The following FIZ1 variants were observed in gnomAD, a reference collection of about 807,000 sequenced individuals.
The protein encoded by FIZ1 is flt3-interacting zinc finger protein 1.
In FIZ1, 2 loss-of-function variants were observed where a neutral mutation model predicts 5.3. That is an observed-to-expected ratio of 0.37 (90% CI 0.15 to 1.18). The LOEUF is 1.18. Among genes scored for constraint, FIZ1 ranks in the 50% most tolerant of loss-of-function variants. FIZ1 has a pLI of 0.37. For missense variants in FIZ1, 631 were observed against 749.7 expected (o/e 0.84, Z 1.85); for synonymous variants, 407 against 364.2 (o/e 1.12, Z -1.34).
At chr19:55,598,838 A>G (rs1324413460) in intron 1 of FIZ1, 7 of 152,206 alleles carry the variant, frequency 4.6e-5, no homozygotes, top group Non-Finnish European at 1.5e-5. Flanking sequence ...CATTCATTAT[A>G]AAGACCTGAT....
rs1378425253 is a variant in FIZ1 at position 55,599,456 on chromosome 19, T to C, written c.-37+18A>G. 6.6e-6 allele frequency: 1 copy of C among 152,234 alleles called. No homozygotes were observed. Among genetic ancestry groups the C allele is most frequent in the Admixed American group, 6.5e-5 (1 of 15,280 alleles). The allele number at this position is 152,234 out of a possible 1,614,324, so 9.4% of individuals were successfully genotyped here. A position where few individuals can be genotyped will look rare whatever the true frequency, so the allele number is the denominator to read the frequency against. On this transcript the variant is annotated intron_variant, in intron 1 of 2. Transcript: ENST00000221665. ...GGAGGCCGGGGAAGTCCGTCGGCTTTCCTCTTTAATTACTTACACCTCCCT... is the reference window on the plus strand; with the variant it reads ...GGAGGCCGGGGAAGTCCGTCGGCTTCCCTCTTTAATTACTTACACCTCCCT...
intron 2 of FIZ1, 117 bp downstream of exon 2, chr19:55,597,455 G>A (rs1980380844): frequency 7.0e-7 from 1 of 1,438,290 alleles, no homozygotes; most frequent in Admixed American, 2.8e-5. Context: ...TCTAATGGGA[G>A]GAGGCGGGCG....
Position 55,597,867 on chromosome 19 carries a change from G to C in FIZ1, c.-2C>G. On this transcript the variant is annotated 5_prime_UTR_variant, in exon 2 of 3. Transcript: ENST00000221665. ...GGTTGGGGCGGGGACGTCATCCATG[G>C]TGGCGGGGAATACAGTGGTATGTGG... 1 of 1,579,176 alleles carries C rather than the reference G, an allele frequency of 6.3e-7. No individual in the cohort carries two copies. The highest frequency in any genetic ancestry group is 8.6e-7 in the Non-Finnish European group (1 of 1,162,798).
In FIZ1 at chr19:55,592,774, C is replaced by T. The variant is rs370245327; in HGVS notation, c.1167G>A (p.Ala389=). 5 of 1,597,682 alleles carry T rather than the reference C, an allele frequency of 3.1e-6. No individual in the cohort carries two copies. In the African/African-American group the frequency reaches 5.4e-5, roughly 17 times the overall value. The change falls in exon 3 of 3, where the codon GCG becomes GCA. Residue 389 remains alanine (A), a synonymous_variant. Transcript: ENST00000221665. This position sits in a 1 kb window ranked among gnomAD's most constrained non-coding sequence, Gnocchi z 6.9. Reference sequence around the variant, plus strand: ...GTTCCCTTTCCCGGGCGGCGGTCGCCGCCTCCTCCCCGCCGCCCTCACCGT... The same window carrying T: ...GTTCCCTTTCCCGGGCGGCGGTCGCTGCCTCCTCCCCGCCGCCCTCACCGT... The part of the protein sequence containing the change: ...VSHGEGGGEE[A]ATAAREREPA...
chr19:55,599,137 C>T (rs1465290180), intron 1 of FIZ1: 1 of 152,640 alleles, frequency 6.6e-6, no homozygotes, highest in Non-Finnish European at 1.5e-5. Context: ...ACGCCCCTCC[C>T]ACTTCCACTC....
At position 55,592,686 on chromosome 19, in the gene FIZ1, A is replaced by G. The variant is rs773491664; in HGVS notation, c.1255T>C (p.Cys419Arg). The G allele has an allele frequency of 1.2e-6, 2 of 1,613,170 alleles. No homozygotes were observed. Among genetic ancestry groups the G allele is most frequent in the Non-Finnish European group, 1.7e-6 (2 of 1,179,860 alleles). Residue 419 changes from cysteine to arginine, a missense_variant, in exon 3 of 3, where the codon TGC becomes CGC. Physicochemically the swap from Cys to Arg is radical, Grantham distance 180. This residue lies in a region of FIZ1 where 463 missense variants were observed against 455.1 expected (regional missense o/e 1.02). Transcript: ENST00000221665. This position sits in a 1 kb window ranked among gnomAD's most constrained non-coding sequence, Gnocchi z 6.9. The part of the protein sequence containing the change: ...RGKKIFGCSE[C>R]EKLFRSPRDL... ...CGCGGTGAGCGGAACAGCTTCTCGCACTCGGAGCAGCCGAAGATCTTCTTG... is the reference window on the plus strand; with the variant it reads ...CGCGGTGAGCGGAACAGCTTCTCGCGCTCGGAGCAGCCGAAGATCTTCTTG...
Position 55,592,540 on chromosome 19 carries a change from C to G in FIZ1, c.1401G>C (p.Glu467Asp). 1 of 1,608,910 alleles carries G rather than the reference C, an allele frequency of 6.2e-7. No homozygotes were observed. The highest frequency in any genetic ancestry group is 8.5e-7 in the Non-Finnish European group (1 of 1,177,906). ...CGCAGATGTGGCAAGGGAAGGGCCG[C>G]TCGGTGCCGTGCAGCAGCCGGTGGC... ...LKRHRLLHGTERPFPCHICGK... is the reference protein window; with the variant it reads ...LKRHRLLHGTDRPFPCHICGK... Residue 467 changes from glutamate to aspartate, a missense_variant, in exon 3 of 3, where the codon GAG (glutamate) becomes GAC (aspartate). By Grantham distance (45) the Glu-to-Asp change is conservative. Transcript: ENST00000221665. The surrounding 1 kb of genome is among the most constrained non-coding windows in gnomAD (Gnocchi z 6.9).
chr19:55,599,059 GCCCCTTTATCAAAC>G (rs985406056), intron 1 of FIZ1: 1 of 152,054 alleles, frequency 6.6e-6, no homozygotes, highest in African/African-American at 2.4e-5. Flanking sequence ...TCTGAGCCAC[GCCCCTTTATCAAAC>G]CCCACCTCTT....
intron 2 of FIZ1, among the ~76,000 whole-genome samples, chr19:55,594,576 A>G (rs1980227532): frequency 6.6e-6 from 1 of 150,818 alleles, no homozygotes; most frequent in Non-Finnish European, 1.5e-5. Context: ...GGGCGCCTGT[A>G]GTCCCAGCTA....
Position 55,593,340 on chromosome 19 carries a change from C to G in FIZ1, c.601G>C (p.Ala201Pro). The G allele has an allele frequency of 7.6e-7, 1 of 1,318,500 alleles. No homozygotes were observed. The highest frequency in any genetic ancestry group is 9.6e-7 in the Non-Finnish European group (1 of 1,038,896). 81.7% of individuals were successfully genotyped at this position (1,318,500 alleles called of 1,614,324 possible). ...AAGCGCCGCGCGCAGGCGCCGCACGCAAATGGGGGCAAGGAGGCCGCGGCC... is the reference window on the plus strand; with the variant it reads ...AAGCGCCGCGCGCAGGCGCCGCACGGAAATGGGGGCAAGGAGGCCGCGGCC... Reference protein sequence around the residue: ...AAAAASLPPFACGACARRFDH... With the variant: ...AAAAASLPPFPCGACARRFDH... Residue 201 changes from alanine (A) to proline (P), a missense_variant, in exon 3 of 3, where the codon GCG becomes CCG. Physicochemically the swap from Ala to Pro is conservative, Grantham distance 27. Coordinates refer to ENST00000221665, the MANE Select transcript of FIZ1 (RefSeq NM_032836.3). This position sits in a 1 kb window ranked among gnomAD's most constrained non-coding sequence, Gnocchi z 6.3.
In FIZ1 at chr19:55,597,722, G is replaced by C. The variant is rs1336781427; in HGVS notation, c.144C>G (p.Leu48=). ...CGCAGCGCGGACATGCGTGGGGCTTGAGCGCTGTGTGCCGGGCAAAGTGGC... is the reference window on the plus strand; with the variant it reads ...CGCAGCGCGGACATGCGTGGGGCTTCAGCGCTGTGTGCCGGGCAAAGTGGC... ...LRRHFARHTA[L]KPHACPRCGK... Residue 48 remains leucine, a synonymous_variant, in exon 2 of 3, where the codon CTC becomes CTG. Coordinates refer to ENST00000221665, the MANE Select transcript of FIZ1 (RefSeq NM_032836.3). The C allele has an allele frequency of 6.2e-7, 1 of 1,614,052 alleles. No individual in the cohort carries two copies. The highest frequency in any genetic ancestry group is 2.2e-5 in the East Asian group (1 of 44,880).
At position 55,592,390 on chromosome 19, in the gene FIZ1, C is replaced by A. The variant is rs532654748; in HGVS notation, c.*60G>T. On this transcript the variant is annotated 3_prime_UTR_variant, in exon 3 of 3. Coordinates refer to ENST00000221665, the MANE Select transcript of FIZ1 (RefSeq NM_032836.3). The surrounding 1 kb of genome is among the most constrained non-coding windows in gnomAD (Gnocchi z 6.9). ...GGGCCTCACGCGCAGTCCCGAGGTC[C>A]CCTGGTCCAGGCCGAGTCCAGGAGG... is the stretch of plus-strand genomic sequence containing the variant. 2 of 1,456,688 alleles carry A rather than the reference C, an allele frequency of 1.4e-6. No homozygotes were observed. The highest frequency in any genetic ancestry group is 2.8e-5 in the African/African-American group (2 of 70,730). The allele number at this position is 1,456,688 out of a possible 1,614,324, so 90.2% of individuals were successfully genotyped here.
rs766721675 is a variant in FIZ1 at position 55,593,190 on chromosome 19, C to A, written c.751G>T (p.Asp251Tyr). 1.6e-4 allele frequency: 187 copies of A among 1,190,854 alleles called. No individual in the cohort carries two copies. Among genetic ancestry groups the A allele is most frequent in the Non-Finnish European group, 1.8e-4 (171 of 954,980 alleles). The allele number at this position is 1,190,854 out of a possible 1,614,324, so 73.8% of individuals were successfully genotyped here. ...ALLERHKLTH[D>Y]LQGPGAPPAQ... ...GGGGGCGCGCCCGGGCCCTGCAGGTCGTGCGTCAGCTTGTGCCGCTCCAGC... is the reference window on the plus strand; with the variant it reads ...GGGGGCGCGCCCGGGCCCTGCAGGTAGTGCGTCAGCTTGTGCCGCTCCAGC... Residue 251 changes from aspartate (D) to tyrosine (Y), a missense_variant, in exon 3 of 3, where the codon GAC becomes TAC. Physicochemically the swap from Asp to Tyr is radical, Grantham distance 160. This residue lies in a region of FIZ1 where 463 missense variants were observed against 455.1 expected (regional missense o/e 1.02). Transcript: ENST00000221665. The surrounding 1 kb of genome is among the most constrained non-coding windows in gnomAD (Gnocchi z 6.3).
rs1314356799 is a variant in FIZ1 at position 55,593,089 on chromosome 19, G to T, written c.852C>A (p.Asp284Glu). ...GCCTGCGGTCCGAAGCCAGAGGAGCGTCGCCCGCCTCCGCAGCGGTGCCTT... is the reference window on the plus strand; with the variant it reads ...GCCTGCGGTCCGAAGCCAGAGGAGCTTCGCCCGCCTCCGCAGCGGTGCCTT... ...AGEGTAAEAGDAPLASDRRLL... is the reference protein window; with the variant it reads ...AGEGTAAEAGEAPLASDRRLL... Residue 284 changes from aspartate (D) to glutamate (E), a missense_variant, in exon 3 of 3, where the codon GAC becomes GAA. Physicochemically the swap from Asp to Glu is conservative, Grantham distance 45 (BLOSUM62 2). Coordinates refer to ENST00000221665, the MANE Select transcript of FIZ1 (RefSeq NM_032836.3). This position sits in a 1 kb window ranked among gnomAD's most constrained non-coding sequence, Gnocchi z 6.3. 3 of 1,333,382 alleles carry T rather than the reference G, an allele frequency of 2.2e-6. No homozygotes were observed. Among genetic ancestry groups the T allele is most frequent in the African/African-American group, 1.6e-5 (1 of 63,394 alleles). The allele number at this position is 1,333,382 out of a possible 1,614,324, so 82.6% of individuals were successfully genotyped here.
chr19:55,594,857 C>G (rs919073852), intron 2 of FIZ1, among the ~76,000 whole-genome samples: 1 of 152,074 alleles, frequency 6.6e-6, no homozygotes, highest in Non-Finnish European at 1.5e-5. Flanking sequence ...GAATACAGGC[C>G]TTAGGTGTGT....
At chr19:55,594,712 A>G (rs1455184887) in intron 2 of FIZ1, among the ~76,000 whole-genome samples, 1 of 151,468 alleles carries the variant, frequency 6.6e-6, no homozygotes, top group African/African-American at 2.4e-5. Flanking sequence ...AAAAAAAAAA[A>G]AAAAAAGAAA....
chr19:55,593,697 G>A lies in FIZ1; in HGVS notation c.295-51C>T, dbSNP rs779635479. 5.1e-4 allele frequency: 757 copies of A among 1,498,714 alleles called. 9 individuals are homozygous for A. Among genetic ancestry groups the A allele is most frequent in the Non-Finnish European group, 1.3e-4 (145 of 1,101,362 alleles). The allele number at this position is 1,498,714 out of a possible 1,614,324, so 92.8% of individuals were successfully genotyped here. On this transcript the variant is annotated intron_variant, in intron 2 of 2. Coordinates refer to ENST00000221665, the MANE Select transcript of FIZ1 (RefSeq NM_032836.3). The surrounding 1 kb of genome is among the most constrained non-coding windows in gnomAD (Gnocchi z 6.3). The stretch of plus-strand genomic sequence containing the variant: ...ACGTCAGGGCTGAGAACCTAGCCCG[G>A]ACAACGGATTCCTGGACTCCCAGAG...
At chr19:55,595,422 G>C (rs896583754) in intron 2 of FIZ1, among the ~76,000 whole-genome samples, 1 of 152,136 alleles carries the variant, frequency 6.6e-6, no homozygotes, top group Non-Finnish European at 1.5e-5. Context: ...TGGAATGCCC[G>C]TAGGTCTATT....
rs866321068 is a variant in FIZ1 at position 55,594,515 on chromosome 19, G to A, written c.295-869C>T. Among the ~76,000 whole-genome samples, 17 of 151,618 alleles carry A rather than the reference G, an allele frequency of 1.1e-4. No homozygotes were observed. The South Asian group carries it at 3.6e-3, about 32-fold the overall frequency. On this transcript the variant is annotated intron_variant, in intron 2 of 2. Transcript: ENST00000221665. ...GATCGAGACCATCCTGGCTAACACG[G>A]TGAAACCCCGTCTCTACTAAAAATT...
Sources: allele counts gnomAD v4.1 joint callset (sites outside exome capture counted in the v4.1 genomes callset), GRCh38; gene constraint gnomAD v4.1.1; regional missense constraint gnomAD v4.1.1; non-coding constraint Gnocchi (gnomAD v3.1); transcripts MANE v1.5; gene names NCBI Gene and HGNC (gene_info 2026-07-23, HGNC 2026-07-21).